The following PAX2 variants were observed in gnomAD, a reference collection of about 807,000 sequenced individuals.
PAX2 encodes paired box protein Pax-2.
In PAX2, 9 loss-of-function variants were observed where a neutral mutation model predicts 41.7. That is an observed-to-expected ratio of 0.22 (90% CI 0.13 to 0.38). PAX2 has a LOEUF of 0.38. Among genes scored for constraint, PAX2 ranks in the 10% least tolerant of loss-of-function variants. The pLI is 1.00. For missense variants in PAX2, 418 were observed against 531.6 expected (o/e 0.79, Z 2.10); for synonymous variants, 221 against 212.7 (o/e 1.04, Z -0.34).
At chr10:100,745,363 C>G (rs1845112933), upstream of PAX2, among the ~76,000 whole-genome samples, 6 of 151,698 alleles carry the variant, frequency 4.0e-5, no homozygotes, top group South Asian at 1.3e-3. Flanking sequence ...TCCCTCCCTC[C>G]CATTTCTCCC....
intron 7 of PAX2, among the ~76,000 whole-genome samples, chr10:100,819,640 C>T (rs542701332): frequency 8.5e-5 from 13 of 152,248 alleles, no homozygotes; most frequent in African/African-American, 2.2e-4. Flanking sequence ...TGAGATAATA[C>T]ATCATATAAA....
intron 3 of PAX2, among the ~76,000 whole-genome samples, chr10:100,759,994 G>A (rs116394364): frequency 0.012 from 1,868 of 152,282 alleles, 44 homozygotes; most frequent in African/African-American, 0.042. Flanking sequence ...AGGCGGTCAG[G>A]AAGGAGACAC....
In PAX2 at chr10:100,824,511, A is replaced by G. The variant is rs1049181045; in HGVS notation, c.920-137A>G. 8.1e-6 allele frequency: 6 copies of G among 741,938 alleles called. No homozygotes were observed. Among genetic ancestry groups the G allele is most frequent in the East Asian group, 2.5e-5 (1 of 40,688 alleles). The allele number at this position is 741,938 out of a possible 1,614,324, so 46.0% of individuals were successfully genotyped here. Reference sequence around the variant, plus strand: ...ACTCAGATGGCGCATTCAGGTGCACAGTGGCACACATACCCCTGCACGTCT... The same window carrying G: ...ACTCAGATGGCGCATTCAGGTGCACGGTGGCACACATACCCCTGCACGTCT... On this transcript the variant is annotated intron_variant, in intron 7 of 9. Coordinates refer to ENST00000355243, the MANE Select transcript of PAX2 (RefSeq NM_000278.5). The surrounding 1 kb of genome is among the most constrained non-coding windows in gnomAD (Gnocchi z 6.6).
chr10:100,819,634 A>G (rs1848315209), intron 7 of PAX2, among the ~76,000 whole-genome samples: 1 of 152,170 alleles, frequency 6.6e-6, no homozygotes, highest in African/African-American at 2.4e-5. Flanking sequence ...ATTAAATGAG[A>G]TAATACATCA....
Position 100,745,862 on chromosome 10 carries a change from C to CAGG in PAX2, c.-399_-398insAGG. ...TCTGACCGCCCCCGCCCCGCGCGCT[C>CAGG]TCCGACCACCGCCTCTCGGATGACC... On this transcript the variant is annotated 5_prime_UTR_variant, in exon 1 of 10. Transcript: ENST00000355243. 1 of 1,101,600 alleles carries CAGG rather than the reference C, an allele frequency of 9.1e-7. No individual in the cohort carries two copies. The highest frequency in any genetic ancestry group is 1.1e-6 in the Non-Finnish European group (1 of 904,812). 68.2% of individuals were successfully genotyped at this position (1,101,600 alleles called of 1,614,324 possible).
intron 5 of PAX2, among the ~76,000 whole-genome samples, chr10:100,799,105 C>T (rs975348069): frequency 6.6e-6 from 1 of 152,244 alleles, no homozygotes. Flanking sequence ...TGTGGAGTAG[C>T]TAGGCAGAGA....
chr10:100,749,207 AG>A (rs556366305), intron 1 of PAX2: 8 of 988,618 alleles, frequency 8.1e-6, no homozygotes, highest in African/African-American at 1.7e-5. Context: ...CAGAGAGCAA[AG>A]GGGGGTGTGT....
intron 5 of PAX2, among the ~76,000 whole-genome samples, chr10:100,789,664 G>A (rs1847020327): frequency 6.6e-6 from 1 of 152,152 alleles, no homozygotes; most frequent in African/African-American, 2.4e-5. Flanking sequence ...CCAAGAAAGA[G>A]CTGAGGTTCA....
At chr10:100,758,420 G>T (rs541462995) in intron 3 of PAX2, among the ~76,000 whole-genome samples, 1 of 152,204 alleles carries the variant, frequency 6.6e-6, no homozygotes, top group Non-Finnish European at 1.5e-5. Flanking sequence ...GATTACAGGC[G>T]TGAGCCACCG....
intron 3 of PAX2, among the ~76,000 whole-genome samples, chr10:100,751,347 A>T (rs1845434245): frequency 6.6e-6 from 1 of 151,876 alleles, no homozygotes; most frequent in Non-Finnish European, 1.5e-5. Context: ...CACAAAGCTC[A>T]CCTCCCAGGA....
intron 3 of PAX2, among the ~76,000 whole-genome samples, chr10:100,767,394 C>T (rs1846064846): frequency 6.6e-6 from 1 of 152,170 alleles, no homozygotes; most frequent in Admixed American, 6.5e-5. Context: ...AGTAAACTGT[C>T]CCCTGAGCCT....
chr10:100,791,606 G>C lies in PAX2; in HGVS notation c.616+10241G>C, dbSNP rs1847121540. On this transcript the variant is annotated intron_variant, in intron 5 of 9. Transcript: ENST00000355243. The surrounding 1 kb of genome is among the most constrained non-coding windows in gnomAD (Gnocchi z 4.5). ...CCTGAAGCAGAAAGTGTGAGCAGGA[G>C]AGCAAGCGAGCCAGTGACAGAGGGA... Among the ~76,000 whole-genome samples, 1 of 152,186 alleles carries C rather than the reference G, an allele frequency of 6.6e-6. No homozygotes were observed. Among genetic ancestry groups the C allele is most frequent in the African/African-American group, 2.4e-5 (1 of 41,454 alleles).
intron 3 of PAX2, among the ~76,000 whole-genome samples, chr10:100,776,196 G>A (rs750351715): frequency 2.6e-5 from 4 of 151,932 alleles, no homozygotes; most frequent in South Asian, 2.1e-4. Flanking sequence ...CTCTCCTTTC[G>A]TTTTCCAAAA....
chr10:100,824,671 C>A lies in PAX2; in HGVS notation c.943C>A (p.Leu315Met), dbSNP rs2133984530. The A allele has an allele frequency of 6.2e-7, 1 of 1,610,048 alleles. No individual in the cohort carries two copies. The highest frequency in any genetic ancestry group is 8.5e-7 in the Non-Finnish European group (1 of 1,176,254). The change falls in exon 8 of 10, where the codon CTG becomes ATG. Residue 315 changes from leucine (L) to methionine (M), a missense_variant. This residue lies in a region of PAX2 where 310 missense variants were observed against 325.2 expected (regional missense o/e 0.95). Transcript: ENST00000355243. This position sits in a 1 kb window ranked among gnomAD's most constrained non-coding sequence, Gnocchi z 6.6. ...VTGRDMASTT[L>M]PGYPPHVPPT... ...AGGTCGTGACATGGCGAGCACCACT[C>A]TGCCTGGTTACCCCCCTCACGTGCC...
At chr10:100,782,650 C>T (rs528026551) in intron 5 of PAX2, among the ~76,000 whole-genome samples, 2 of 152,388 alleles carry the variant, frequency 1.3e-5, no homozygotes, top group South Asian at 2.1e-4. Flanking sequence ...CTAATGGCCT[C>T]GTTTCACAGG....
chr10:100,820,789 A>G (rs1489259057), intron 7 of PAX2, among the ~76,000 whole-genome samples: 7 of 152,242 alleles, frequency 4.6e-5, no homozygotes, highest in Admixed American at 4.6e-4. Flanking sequence ...TCTTCTTGTA[A>G]TAATATGTGG....
chr10:100,787,461 C>T (rs1215586600), intron 5 of PAX2, among the ~76,000 whole-genome samples: 4 of 151,848 alleles, frequency 2.6e-5, no homozygotes, highest in Admixed American at 6.6e-5. Context: ...GTGGGAGGGC[C>T]GGATAAGGCA....
At chr10:100,749,695 C>T in intron 1 of PAX2, 51 bp from the exon 2 acceptor site, 1 of 1,576,506 alleles carries the variant, frequency 6.3e-7, no homozygotes, top group East Asian at 2.3e-5. Context: ...TGACTAATGG[C>T]CGGTCCCTGC....
At position 100,747,605 on chromosome 10, in the gene PAX2, A is replaced by G. The variant is rs1235311538; in HGVS notation, c.43+1302A>G. On this transcript the variant is annotated intron_variant, in intron 1 of 9. Coordinates refer to ENST00000355243, the MANE Select transcript of PAX2 (RefSeq NM_000278.5). Reference sequence around the variant, plus strand: ...CCCGGCTTGGACCTGTGTTTAGGACAAGAGAGCCGAGGAGGGAGAGCTGTG... The same window carrying G: ...CCCGGCTTGGACCTGTGTTTAGGACGAGAGAGCCGAGGAGGGAGAGCTGTG... 15 of 985,034 alleles carry G rather than the reference A, an allele frequency of 1.5e-5. No individual in the cohort carries two copies. The East Asian group carries it at 1.0e-3, about 67-fold the overall frequency. 61.0% of individuals were successfully genotyped at this position (985,034 alleles called of 1,614,324 possible).
Sources: gnomAD v4.1 joint callset for allele counts (sites outside exome capture counted in the v4.1 genomes callset) on GRCh38, gnomAD v4.1.1 for gene constraint, gnomAD v4.1.1 regional missense constraint, Gnocchi (gnomAD v3.1) non-coding constraint, MANE v1.5 for transcripts, NCBI Gene and HGNC (gene_info 2026-07-23, HGNC 2026-07-21) for gene names.